Variants in B4GALT6 observed in about 807,000 individuals in gnomAD.
B4GALT6 encodes the protein beta-1,4-galactosyltransferase 6, also known as UDP-Gal:beta-GlcNAc beta-1,4-galactosyltransferase 6.
In B4GALT6, 14 loss-of-function variants were observed where a neutral mutation model predicts 46.3. That is an observed-to-expected ratio of 0.30 (90% CI 0.20 to 0.47). The LOEUF (loss-of-function observed/expected upper bound fraction) is 0.47. Among genes scored for constraint, B4GALT6 ranks in the 20% least tolerant of loss-of-function variants. B4GALT6 has a pLI of 0.99. For missense variants in B4GALT6, 386 were observed against 480.1 expected, an observed-to-expected ratio of 0.80 and a Z score of 1.83; for synonymous variants, 168 against 162.0, an observed-to-expected ratio of 1.04 and a Z score of -0.28.
intron 1 of B4GALT6, among the ~76,000 whole-genome samples, chr18:31,668,727 G>C (rs767990499): frequency 6.6e-6 from 1 of 151,930 alleles, no homozygotes; most frequent in Non-Finnish European, 1.5e-5. Flanking sequence ...CTGGCCGGGC[G>C]TGGTGGCTCA....
chr18:31,709,551 A>ATGTGTG, the B4GALT6 span, among the ~76,000 whole-genome samples: 3 of 103,990 alleles, frequency 2.9e-5, no homozygotes, highest in Non-Finnish European at 3.8e-5. Flanking sequence ...AATAGGATAT[A>ATGTGTG]TATGTGTGTG....
At chr18:31,682,591 T>C (rs903471673) in intron 1 of B4GALT6, among the ~76,000 whole-genome samples, 1 of 152,128 alleles carries the variant, frequency 6.6e-6, no homozygotes, top group Non-Finnish European at 1.5e-5. Context: ...CTACAAATAA[T>C]ATACTGACGC....
chr18:31,632,418 A>T (rs2073802621), intron 5 of B4GALT6, among the ~76,000 whole-genome samples: 1 of 152,218 alleles, frequency 6.6e-6, no homozygotes, highest in South Asian at 2.1e-4. Context: ...ATGTGGACAT[A>T]ATACTCAAAG....
intron 6 of B4GALT6, 146 bp downstream of exon 6, chr18:31,630,813 T>C (rs1273637634): frequency 1.2e-6 from 1 of 827,608 alleles, no homozygotes; most frequent in Non-Finnish European, 1.9e-6. Context: ...GTGTCCTGGC[T>C]CCCCAGGAGG....
intron 3 of B4GALT6, among the ~76,000 whole-genome samples, 182 bp from the exon 4 acceptor site, chr18:31,645,661 T>C (rs535745238): frequency 6.6e-5 from 10 of 152,200 alleles, no homozygotes; most frequent in Non-Finnish European, 1.5e-4. Context: ...TGATAATATA[T>C]ATGGTCACCC....
the B4GALT6 span, among the ~76,000 whole-genome samples, chr18:31,718,259 G>A: frequency 6.6e-6 from 1 of 152,182 alleles, no homozygotes; most frequent in Admixed American, 6.5e-5. Context: ...AGGAGGGAGT[G>A]ATAGCAACAT....
chr18:31,671,591 G>GT (rs1192543936), intron 1 of B4GALT6, among the ~76,000 whole-genome samples: 1 of 152,044 alleles, frequency 6.6e-6, no homozygotes, highest in South Asian at 2.1e-4. Context: ...TTTTGATGGG[G>GT]TTTTTTTCTT....
At chr18:31,663,296 C>A (rs551647799) in intron 2 of B4GALT6, among the ~76,000 whole-genome samples, 2 of 152,206 alleles carry the variant, frequency 1.3e-5, no homozygotes, top group African/African-American at 4.8e-5. Flanking sequence ...GTCAGTCTGG[C>A]AGTGTCTGGG....
At chr18:31,638,133 A>G (rs2073883931) in intron 5 of B4GALT6, among the ~76,000 whole-genome samples, 1 of 152,244 alleles carries the variant, frequency 6.6e-6, no homozygotes, top group Admixed American at 6.5e-5. Flanking sequence ...CTGTCATACT[A>G]AAGTGAAACA....
At chr18:31,699,419 C>G in the B4GALT6 span, among the ~76,000 whole-genome samples, 7 of 151,650 alleles carry the variant, frequency 4.6e-5, no homozygotes, top group Non-Finnish European at 5.9e-5. Context: ...ATTACAGGTG[C>G]ACGCCACCAC....
At chr18:31,647,799 G>A (rs1160704227) in intron 3 of B4GALT6, among the ~76,000 whole-genome samples, 1 of 152,148 alleles carries the variant, frequency 6.6e-6, no homozygotes, top group Non-Finnish European at 1.5e-5. Context: ...TGGCCAGGAA[G>A]AAGTATGCTG....
chr18:31,659,316 G>C (rs545846196), intron 2 of B4GALT6, among the ~76,000 whole-genome samples: 1 of 152,314 alleles, frequency 6.6e-6, no homozygotes, highest in Admixed American at 6.5e-5. Context: ...AGAAAACTAA[G>C]CACCTCCATT....
chr18:31,658,008 T>A lies in B4GALT6; in HGVS notation c.314A>T (p.Tyr105Phe). The change falls in exon 3 of 9, where the codon TAC becomes TTC. Residue 105 changes from tyrosine (Y) to phenylalanine (F), a missense_variant. By Grantham distance (22) the Tyr-to-Phe change is conservative. Coordinates refer to ENST00000306851, the MANE Select transcript of B4GALT6 (RefSeq NM_004775.5). ...AGGCAGCTTTTCTGGACAGGGGAGGTATGGTGAGTATGTGAAGTTTTCCGG... is the reference window on the plus strand; with the variant it reads ...AGGCAGCTTTTCTGGACAGGGGAGGAATGGTGAGTATGTGAAGTTTTCCGG... Reference protein sequence around the residue: ...YLPENFTYSPYLPCPEKLPYM... With the variant: ...YLPENFTYSPFLPCPEKLPYM... 2.5e-6 allele frequency: 4 copies of A among 1,612,608 alleles called. No individual in the cohort carries two copies. The highest frequency in any genetic ancestry group is 3.4e-6 in the Non-Finnish European group (4 of 1,179,508).
chr18:31,691,316 T>C, the B4GALT6 span, among the ~76,000 whole-genome samples: 1 of 21,970 alleles, frequency 4.6e-5, no homozygotes, highest in African/African-American at 7.1e-5. Flanking sequence ...TATATATATA[T>C]ATATATATAT....
chr18:31,683,428 T>C (rs1343300453), intron 1 of B4GALT6, among the ~76,000 whole-genome samples: 3 of 152,160 alleles, frequency 2.0e-5, no homozygotes, highest in Non-Finnish European at 4.4e-5. Flanking sequence ...CAGGAAAAAC[T>C]CAGAAAAGTT....
At position 31,624,405 on chromosome 18, in the gene B4GALT6, T is replaced by C. The variant is rs1159478737; in HGVS notation, c.*1209A>G. 1.3e-5 allele frequency: 2 copies of C among 151,876 alleles called. No homozygotes were observed. Among genetic ancestry groups the C allele is most frequent in the Non-Finnish European group, 2.9e-5 (2 of 67,870 alleles). 9.4% of individuals were successfully genotyped at this position (151,876 alleles called of 1,614,324 possible). A position where few individuals can be genotyped will look rare whatever the true frequency, so the allele number is the denominator to read the frequency against. ...TTAGTAATTAACACCAGAGATATAA[T>C]CTCTTAAAAGTGAAAAAAACAAAAT... On this transcript the variant is annotated 3_prime_UTR_variant, in exon 9 of 9. Coordinates refer to ENST00000306851, the MANE Select transcript of B4GALT6 (RefSeq NM_004775.5).
intron 4 of B4GALT6, among the ~76,000 whole-genome samples, chr18:31,640,977 T>C (rs2073924008): frequency 6.6e-6 from 1 of 152,242 alleles, no homozygotes; most frequent in Non-Finnish European, 1.5e-5. Context: ...AGCATATCCA[T>C]GTGATAACAT....
At chr18:31,724,275 C>A in the B4GALT6 span, 2 of 391,788 alleles carry the variant, frequency 5.1e-6, no homozygotes, top group Non-Finnish European at 8.9e-6. Flanking sequence ...GTCCCGGCTG[C>A]GTCTCTGGGC....
chr18:31,702,758 G>T, the B4GALT6 span, among the ~76,000 whole-genome samples: 3 of 152,158 alleles, frequency 2.0e-5, no homozygotes, highest in African/African-American at 7.2e-5. Context: ...GCAGGCCAAG[G>T]CCCCACTTCT....
Sources: gnomAD v4.1 joint callset for allele counts (sites outside exome capture counted in the v4.1 genomes callset) on GRCh38, gnomAD v4.1.1 for gene constraint, MANE v1.5 for transcripts, NCBI Gene and HGNC (gene_info 2026-07-23, HGNC 2026-07-21) for gene names.